DISP1: variants seen among roughly 807,000 people sequenced by gnomAD.
The protein encoded by DISP1 is dispatched RND transporter family member 1.
In DISP1, 30 loss-of-function variants were observed where a neutral mutation model predicts 37.3. The ratio of observed to expected loss-of-function variants is 0.80; its 90% CI spans 0.60 to 1.09. The LOEUF is 1.09. DISP1 is among the 50% of genes least tolerant of loss of function. The probability of loss-of-function intolerance (pLI) is 0.00; values close to 1 mark genes in which losing one functional copy is unlikely to be tolerated. For missense variants in DISP1, 1,598 were observed against 1,879.5 expected (o/e 0.85, Z 2.77); for synonymous variants, 634 against 690.2 (o/e 0.92, Z 1.28).
intron 8 of DISP1, among the ~76,000 whole-genome samples, chr1:222,996,286 A>T (rs560721018): frequency 6.6e-6 from 1 of 152,322 alleles, no homozygotes; most frequent in South Asian, 2.1e-4. Context: ...CAGAAAATTA[A>T]CTCTAAAGTT....
chr1:222,942,915 G>T lies in DISP1; in HGVS notation c.92G>T (p.Cys31Phe). 6.2e-7 allele frequency: 1 copy of T among 1,614,138 alleles called. No homozygotes were observed. Among genetic ancestry groups the T allele is most frequent in the Non-Finnish European group, 8.5e-7 (1 of 1,180,020 alleles). ...GCTAACCCGAGTCCCCTCACCCCCT[G>T]TGATGGAGACCATGCAGCCCAGCAG... is the stretch of plus-strand genomic sequence containing the variant. Reference protein sequence around the residue: ...SAANPSPLTPCDGDHAAQQLT... With the variant: ...SAANPSPLTPFDGDHAAQQLT... The change falls in exon 3 of 9, where the codon TGT (cysteine) becomes TTT (phenylalanine). Residue 31 changes from cysteine to phenylalanine, a missense_variant. Physicochemically the swap from Cys to Phe is radical, Grantham distance 205. Transcript: ENST00000675850.
chr1:222,836,192 T>G (rs1174800383), intron 1 of DISP1, among the ~76,000 whole-genome samples: 1 of 152,322 alleles, frequency 6.6e-6, no homozygotes, highest in East Asian at 1.9e-4. Flanking sequence ...ATTATTTTAC[T>G]CTCATGATGT....
chr1:222,957,290 T>C (rs932264135), intron 3 of DISP1, among the ~76,000 whole-genome samples: 1 of 152,084 alleles, frequency 6.6e-6, no homozygotes, highest in Non-Finnish European at 1.5e-5. Flanking sequence ...AAAATGTGTT[T>C]AAAAATGAAT....
intron 1 of DISP1, among the ~76,000 whole-genome samples, chr1:222,886,039 A>G (rs1478011735): frequency 6.6e-6 from 1 of 152,028 alleles, no homozygotes; most frequent in Non-Finnish European, 1.5e-5. Context: ...AAGGAGATGT[A>G]TAGGCTTAAA....
At chr1:222,996,197 T>A (rs1558077251) in intron 8 of DISP1, among the ~76,000 whole-genome samples, 1 of 152,220 alleles carries the variant, frequency 6.6e-6, no homozygotes, top group South Asian at 2.1e-4. Flanking sequence ...GATGTTTTCT[T>A]CTCTTCTACA....
chr1:222,889,067 G>C (rs368134707), intron 1 of DISP1, among the ~76,000 whole-genome samples: 20 of 151,988 alleles, frequency 1.3e-4, no homozygotes, highest in East Asian at 7.7e-4. Flanking sequence ...AGACATTTAA[G>C]ATAAATGTTT....
chr1:222,871,773 G>A (rs1426907103), intron 1 of DISP1, among the ~76,000 whole-genome samples: 6 of 151,290 alleles, frequency 4.0e-5, no homozygotes, highest in South Asian at 2.1e-4. Context: ...ATTGAATGCC[G>A]TTTATTTCCT....
chr1:222,984,435 T>TAGAGAG (rs369654102), intron 4 of DISP1, among the ~76,000 whole-genome samples: 1,349 of 108,344 alleles, frequency 0.012, 39 homozygotes, highest in Non-Finnish European at 0.014. Flanking sequence ...TATATATATA[T>TAGAGAG]AGAGAGAGAG....
chr1:222,898,976 T>G (rs1369210890), intron 1 of DISP1, among the ~76,000 whole-genome samples: 7 of 152,186 alleles, frequency 4.6e-5, no homozygotes, highest in Admixed American at 4.6e-4. Context: ...TCTTTAATGT[T>G]TCTGGAGAAA....
intron 2 of DISP1, among the ~76,000 whole-genome samples, chr1:222,935,896 T>C (rs1673693560): frequency 6.6e-6 from 1 of 152,162 alleles, no homozygotes; most frequent in African/African-American, 2.4e-5. Context: ...AAATTGTGTG[T>C]CATTAATTTT....
intron 1 of DISP1, chr1:222,872,419 A>T (rs2125347759): frequency 6.6e-6 from 1 of 152,106 alleles, no homozygotes; most frequent in East Asian, 1.9e-4. Context: ...CTGGTCCTGG[A>T]CTTTTTTTGG....
intron 1 of DISP1, among the ~76,000 whole-genome samples, chr1:222,834,950 G>C (rs1666676050): frequency 6.6e-6 from 1 of 152,158 alleles, no homozygotes; most frequent in South Asian, 2.1e-4. Context: ...CAGGCATTCA[G>C]TTAATGGTGG....
intron 1 of DISP1, among the ~76,000 whole-genome samples, chr1:222,903,629 A>C (rs996497881): frequency 6.6e-6 from 1 of 152,144 alleles, no homozygotes; most frequent in African/African-American, 2.4e-5. Context: ...AAAGTTCTGC[A>C]GACTGTCTTT....
chr1:222,980,394 T>C (rs564565138), intron 3 of DISP1, among the ~76,000 whole-genome samples: 2 of 147,636 alleles, frequency 1.4e-5, no homozygotes, highest in Non-Finnish European at 3.0e-5. Flanking sequence ...CAAATAGGAA[T>C]GGGCTGATGT....
In DISP1 at chr1:222,854,262, A is replaced by G. The variant is rs114636868; in HGVS notation, c.-159+39184A>G. The stretch of plus-strand genomic sequence containing the variant: ...TGTCAAGAACTGCCCAAGACTGGGT[A>G]ATTTATAGAGAAAAGAGGTTTAATT... On this transcript the variant is annotated intron_variant, in intron 1 of 8. Transcript: ENST00000675850. Among the ~76,000 whole-genome samples, 1,406 of 152,284 alleles carry G rather than the reference A, an allele frequency of 9.2e-3. 16 individuals carry two copies. Among genetic ancestry groups the G allele is most frequent in the African/African-American group, 0.033 (1,351 of 41,544 alleles).
At chr1:222,953,477 A>G (rs1284854094) in intron 3 of DISP1, among the ~76,000 whole-genome samples, 2 of 152,186 alleles carry the variant, frequency 1.3e-5, no homozygotes, top group Admixed American at 6.6e-5. Flanking sequence ...AAAGATGGTC[A>G]CTCATTTGCC....
intron 1 of DISP1, among the ~76,000 whole-genome samples, chr1:222,909,899 A>C (rs1181692324): frequency 6.6e-6 from 1 of 152,150 alleles, no homozygotes; most frequent in Non-Finnish European, 1.5e-5. Context: ...GATTTCCATC[A>C]TTGTTAATAG....
At chr1:222,860,199 C>T (rs1668800090) in intron 1 of DISP1, among the ~76,000 whole-genome samples, 1 of 152,162 alleles carries the variant, frequency 6.6e-6, no homozygotes, top group South Asian at 2.1e-4. Context: ...GGGATTAAGG[C>T]ATGTGCCACC....
At chr1:222,903,990 C>T (rs1036632818) in intron 1 of DISP1, among the ~76,000 whole-genome samples, 2 of 152,104 alleles carry the variant, frequency 1.3e-5, no homozygotes, top group African/African-American at 4.8e-5. Context: ...GCGTGGCAGC[C>T]TTACTTAGAT....
Sources: allele counts gnomAD v4.1 joint callset (sites outside exome capture counted in the v4.1 genomes callset), GRCh38; gene constraint gnomAD v4.1.1; transcripts MANE v1.5; gene names NCBI Gene and HGNC (gene_info 2026-07-23, HGNC 2026-07-21).